The following MGMT variants were observed in gnomAD, a reference collection of about 807,000 sequenced individuals.
MGMT encodes O-6-methylguanine-DNA methyltransferase.
A neutral mutation model predicts 15.9 loss-of-function variants in MGMT; 14 were observed. The ratio of observed to expected loss-of-function variants is 0.88; its 90% confidence interval spans 0.58 to 1.37. The LOEUF is 1.37. Among genes scored for constraint, MGMT ranks in the 40% most tolerant of loss-of-function variants. The pLI, the probability that MGMT is intolerant of heterozygous loss-of-function variation, is 0.00. For missense variants in MGMT, 282 were observed against 268.1 expected (o/e 1.05, Z -0.36); for synonymous variants, 130 against 118.2 (o/e 1.10, Z -0.65).
At chr10:129,599,693 G>A (rs73386962) in intron 2 of MGMT, among the ~76,000 whole-genome samples, 3,705 of 152,252 alleles carry the variant, frequency 0.024, 98 homozygotes, top group African/African-American at 0.065. Flanking sequence ...ACGATTCACT[G>A]AGGCCGGCAA....
At chr10:129,713,393 GA>G (rs1320837005) in intron 3 of MGMT, among the ~76,000 whole-genome samples, 1 of 152,174 alleles carries the variant, frequency 6.6e-6, no homozygotes, top group African/African-American at 2.4e-5. Flanking sequence ...TCCTTTTCTG[GA>G]GAGCAAATGT....
intron 2 of MGMT, among the ~76,000 whole-genome samples, chr10:129,562,023 G>C (rs1846286170): frequency 6.6e-6 from 1 of 152,176 alleles, no homozygotes; most frequent in Non-Finnish European, 1.5e-5. Flanking sequence ...GAACAGCTTA[G>C]CATGCAGATA....
intron 2 of MGMT, among the ~76,000 whole-genome samples, chr10:129,647,647 G>A (rs1436054970): frequency 1.3e-5 from 2 of 152,080 alleles, no homozygotes; most frequent in African/African-American, 4.8e-5. Context: ...AATCCAAGAA[G>A]AAAAAACAGT....
At chr10:129,716,121 A>C (rs982704036) in intron 3 of MGMT, among the ~76,000 whole-genome samples, 1 of 152,218 alleles carries the variant, frequency 6.6e-6, no homozygotes, top group Non-Finnish European at 1.5e-5. Flanking sequence ...CTCCCAAAGA[A>C]GTAAATTGAA....
At chr10:129,530,856 G>T (rs7900620) in intron 1 of MGMT, among the ~76,000 whole-genome samples, 120,680 of 152,078 alleles carry the variant, frequency 0.79, 49,298 homozygotes, top group East Asian at 0.98. Flanking sequence ...CCTCGCCCGG[G>T]GGCCCCTCCC....
At chr10:129,627,492 G>A (rs1329631297) in intron 2 of MGMT, among the ~76,000 whole-genome samples, 2 of 152,150 alleles carry the variant, frequency 1.3e-5, no homozygotes, top group Non-Finnish European at 2.9e-5. Flanking sequence ...TGATGGTAGT[G>A]ACTTTGGTGT....
chr10:129,728,815 C>T (rs752538804), intron 3 of MGMT, among the ~76,000 whole-genome samples: 25 of 151,944 alleles, frequency 1.6e-4, no homozygotes, highest in African/African-American at 2.9e-4. Flanking sequence ...CCAATGCCCC[C>T]GCCTCCCATC....
At chr10:129,503,352 C>T (rs1175395045) in intron 1 of MGMT, among the ~76,000 whole-genome samples, 2 of 152,138 alleles carry the variant, frequency 1.3e-5, no homozygotes, top group South Asian at 2.1e-4. Context: ...TATAAACCTC[C>T]GTTTTCAAAT....
chr10:129,592,312 C>T lies in MGMT; in HGVS notation c.125+55935C>T, dbSNP rs562321784. On this transcript the variant is annotated intron_variant, in intron 2 of 4. Transcript: ENST00000651593. ...GAAAATCATAATTTTGAGAAACTTG[C>T]ACCTACTGCCGTGAGCTTAACAGCA... 2.6e-5 allele frequency among the ~76,000 whole-genome samples: 4 copies of T among 152,302 alleles called. No individual in the cohort carries two copies. The South Asian group carries it at 8.3e-4, about 32-fold the overall frequency.
At chr10:129,561,644 A>G (rs899540725) in intron 2 of MGMT, among the ~76,000 whole-genome samples, 2 of 152,172 alleles carry the variant, frequency 1.3e-5, no homozygotes. Flanking sequence ...GTAATTATGC[A>G]TGGAGAGGGC....
At chr10:129,688,793 T>C (rs1589937990) in intron 2 of MGMT, among the ~76,000 whole-genome samples, 1 of 152,156 alleles carries the variant, frequency 6.6e-6, no homozygotes, top group East Asian at 1.9e-4. Context: ...TTATTCTGTA[T>C]CATCAAGGAG....
chr10:129,660,729 C>A (rs1847586499), intron 2 of MGMT, among the ~76,000 whole-genome samples: 2 of 152,002 alleles, frequency 1.3e-5, no homozygotes, highest in Non-Finnish European at 2.9e-5. Flanking sequence ...GCAAAGACTT[C>A]AAGGGAGACC....
chr10:129,651,977 C>T (rs1339316238), intron 2 of MGMT, among the ~76,000 whole-genome samples: 4 of 152,136 alleles, frequency 2.6e-5, no homozygotes, highest in Admixed American at 2.6e-4. Flanking sequence ...TGATGTTCAG[C>T]GTTGGCCAGG....
At chr10:129,721,068 ATAGT>A (rs1848365616) in intron 3 of MGMT, among the ~76,000 whole-genome samples, 1 of 152,264 alleles carries the variant, frequency 6.6e-6, no homozygotes. Flanking sequence ...TGGCAAGTTG[ATAGT>A]TTCGTTATTA....
chr10:129,714,576 A>G (rs567644436), intron 3 of MGMT, among the ~76,000 whole-genome samples: 1 of 152,246 alleles, frequency 6.6e-6, no homozygotes, highest in South Asian at 2.1e-4. Context: ...CCTCCTCAAG[A>G]TACACTAAAA....
chr10:129,601,846 G>A (rs1277108218), intron 2 of MGMT, among the ~76,000 whole-genome samples: 1 of 152,182 alleles, frequency 6.6e-6, no homozygotes, highest in Non-Finnish European at 1.5e-5. Context: ...GGATGTGGTA[G>A]TAGAGTGCTT....
intron 2 of MGMT, among the ~76,000 whole-genome samples, chr10:129,686,915 C>G (rs1847910655): frequency 6.6e-6 from 1 of 152,116 alleles, no homozygotes; most frequent in Admixed American, 6.5e-5. Context: ...GGGTTCTTCT[C>G]AGGCCTACCT....
In MGMT at chr10:129,708,021, TC is replaced by T. The variant is rs1355219838; in HGVS notation, c.253del (p.His85ThrfsTer19). 6.2e-7 allele frequency: 1 copy of T among 1,613,144 alleles called. No individual in the cohort carries two copies. Among genetic ancestry groups the T allele is most frequent in the Non-Finnish European group, 8.5e-7 (1 of 1,179,672 alleles). On this transcript the variant is annotated frameshift_variant, in exon 3 of 5. Coordinates refer to ENST00000651593, the MANE Select transcript of MGMT (RefSeq NM_002412.5). LOFTEE classifies it high-confidence loss of function. ...TCGAAGAGTTCCCCGTGCCGGCTCTTCACCATCCCGTTTTCCAGCAAGGTCG... is the reference window on the plus strand; with the variant it reads ...TCGAAGAGTTCCCCGTGCCGGCTCTTACCATCCCGTTTTCCAGCAAGGTCG... ...AIEEFPVPALHHPVFQQESFT... is the reference protein window; with the variant it reads ...AIEEFPVPALXHPVFQQESFT...
At chr10:129,577,537 A>G (rs1846499267) in intron 2 of MGMT, among the ~76,000 whole-genome samples, 1 of 152,242 alleles carries the variant, frequency 6.6e-6, no homozygotes, top group Admixed American at 6.5e-5. Flanking sequence ...AAATTAATTC[A>G]AGATGGATTA....
Sources: allele counts gnomAD v4.1 joint callset (sites outside exome capture counted in the v4.1 genomes callset), GRCh38; gene constraint gnomAD v4.1.1; transcripts MANE v1.5; gene names NCBI Gene and HGNC (gene_info 2026-07-23, HGNC 2026-07-21).